Variants in PADI6 observed in about 807,000 individuals in gnomAD.
The protein encoded by PADI6 is peptidyl arginine deiminase 6, also known as inactive protein-arginine deiminase type-6.
Under a neutral mutation model 78.2 loss-of-function variants are expected in PADI6, and 66 were observed. The observed-to-expected ratio is 0.84, with a 90% CI of 0.69 to 1.04. The LOEUF is 1.04. PADI6 is among the 50% of genes least tolerant of loss of function. The probability of loss-of-function intolerance (pLI) is 0.00; values close to 1 mark genes in which losing one functional copy is unlikely to be tolerated. For synonymous variants in PADI6, 397 were observed against 346.9 expected (o/e 1.14, Z -1.60); for missense variants, 854 against 866.1 (o/e 0.99, Z 0.18).
intron 3 of PADI6, among the ~76,000 whole-genome samples, chr1:17,377,851 A>G (rs1391539866): frequency 1.3e-5 from 2 of 152,194 alleles, no homozygotes; most frequent in Non-Finnish European, 2.9e-5. Flanking sequence ...TCCAGCAGCC[A>G]GAGTGGTACA....
At chr1:17,373,500 ATTATT>A (rs1277954222) in intron 2 of PADI6, among the ~76,000 whole-genome samples, 3 of 109,502 alleles carry the variant, frequency 2.7e-5, no homozygotes, top group African/African-American at 9.8e-5. Context: ...TTTATTTATT[ATTATT>A]TTTTTTTTTG....
intron 7 of PADI6, 40 bp from the exon 8 acceptor site, chr1:17,388,737 T>C (rs771311890): frequency 1.9e-6 from 3 of 1,586,032 alleles, no homozygotes; most frequent in Admixed American, 1.7e-5. Flanking sequence ...AGCGAGTAAA[T>C]GTGGAAGCAG....
At chr1:17,372,873 G>A (rs1338690717) in intron 1 of PADI6, among the ~76,000 whole-genome samples, 183 bp from the exon 2 acceptor site, 3 of 147,082 alleles carry the variant, frequency 2.0e-5, no homozygotes, top group Non-Finnish European at 3.0e-5. Flanking sequence ...GCTGGAGCCC[G>A]TCGGAGAGCA....
At position 17,401,494 on chromosome 1, in the gene PADI6, T is replaced by A; in HGVS notation, c.*56T>A. 7.0e-7 allele frequency: 1 copy of A among 1,437,190 alleles called. No individual in the cohort carries two copies. Among genetic ancestry groups the A allele is most frequent in the Non-Finnish European group, 9.7e-7 (1 of 1,035,576 alleles). 89.0% of individuals were successfully genotyped at this position (1,437,190 alleles called of 1,614,324 possible). On this transcript the variant is annotated 3_prime_UTR_variant, in exon 16 of 16. Transcript: ENST00000619609. ...CAGCGTGGATGGCCCACTGTCACCATGCAACAGCATGATTCTTTGCCCAGT... is the reference window on the plus strand; with the variant it reads ...CAGCGTGGATGGCCCACTGTCACCAAGCAACAGCATGATTCTTTGCCCAGT...
chr1:17,372,496 C>T, intron 1 of PADI6, 135 bp downstream of exon 1: 1 of 826,968 alleles, frequency 1.2e-6, no homozygotes, highest in Non-Finnish European at 2.0e-6. Context: ...AGCCTTGGGT[C>T]TCTAGTGGGG....
chr1:17,380,059 T>C, intron 4 of PADI6, 72 bp downstream of exon 4: 1 of 1,481,362 alleles, frequency 6.8e-7, no homozygotes, highest in Non-Finnish European at 9.4e-7. Flanking sequence ...TCACTTGATC[T>C]GACCTTCCTC....
At chr1:17,374,226 C>CATCA (rs1255942174) in intron 2 of PADI6, among the ~76,000 whole-genome samples, 1 of 152,050 alleles carries the variant, frequency 6.6e-6, no homozygotes, top group Non-Finnish European at 1.5e-5. Context: ...CCCTACAGGA[C>CATCA]CTACTGGAGA....
rs753183749 is a variant in PADI6 at position 17,394,068 on chromosome 1, A to G, written c.1168A>G (p.Met390Val). 1.2e-5 allele frequency: 20 copies of G among 1,613,650 alleles called. No homozygotes were observed. Among genetic ancestry groups the G allele is most frequent in the East Asian group, 2.2e-5 (1 of 44,880 alleles). Residue 390 changes from methionine (M) to valine (V), a missense_variant, in exon 10 of 16, where the codon ATG becomes GTG. Met to Val is a conservative substitution (Grantham distance 21). Coordinates refer to ENST00000619609, the MANE Select transcript of PADI6 (RefSeq NM_207421.4). Reference sequence around the variant, plus strand: ...GGCCGCCGATCTCGATGAGTTCCCCATGAAGTACTCACTGGTGTGGAACTT... The same window carrying G: ...GGCCGCCGATCTCGATGAGTTCCCCGTGAAGTACTCACTGGTGTGGAACTT... The part of the protein sequence containing the change: ...PQAADLDEFP[M>V]KYSLSPGIGY...
intron 13 of PADI6, among the ~76,000 whole-genome samples, chr1:17,396,582 C>T (rs146071342): frequency 2.6e-5 from 4 of 152,286 alleles, no homozygotes; most frequent in African/African-American, 9.6e-5. Context: ...GTCATAGAAG[C>T]ACCATGGAAG....
chr1:17,393,238 C>G (rs1355288090), intron 9 of PADI6, among the ~76,000 whole-genome samples: 1 of 152,110 alleles, frequency 6.6e-6, no homozygotes, highest in Admixed American at 6.5e-5. Flanking sequence ...GCAGGGCTAC[C>G]TCCTGGTTAA....
intron 3 of PADI6, among the ~76,000 whole-genome samples, chr1:17,378,122 C>CT (rs1461914269): frequency 6.6e-6 from 1 of 152,144 alleles, no homozygotes; most frequent in Admixed American, 6.6e-5. Flanking sequence ...TTCTTGCCTC[C>CT]TTTAGGTCTC....
intron 7 of PADI6, 46 bp downstream of exon 7, chr1:17,388,605 G>T: frequency 3.9e-6 from 6 of 1,529,674 alleles, no homozygotes; most frequent in South Asian, 1.2e-5. Context: ...ATGCTCCGGT[G>T]GGGGAAAAGC....
At chr1:17,397,201 G>A (rs923666790) in intron 14 of PADI6, 60 bp downstream of exon 14, 2 of 1,589,734 alleles carry the variant, frequency 1.3e-6, no homozygotes, top group African/African-American at 1.3e-5. Context: ...GGTCTTGCAG[G>A]AAGGTTTCCA....
chr1:17,373,218 C>A lies in PADI6; in HGVS notation c.279C>A (p.Ser93=). 6.2e-7 allele frequency: 1 copy of A among 1,613,924 alleles called. No individual in the cohort carries two copies. Among genetic ancestry groups the A allele is most frequent in the South Asian group, 1.1e-5 (1 of 91,082 alleles). ...TGAAGATGACATCGCCCAGCCCTTC[C>A]GTGGATGCGGATAAGGTAAGCCTCA... is the stretch of plus-strand genomic sequence containing the variant. ...ATVKMTSPSP[S]VDADKVSVTY... is the part of the protein sequence containing the mutation. Residue 93 remains serine, a synonymous_variant, in exon 2 of 16, where the codon TCC becomes TCA. Transcript: ENST00000619609.
intron 5 of PADI6, 143 bp downstream of exon 5, chr1:17,381,307 T>C: frequency 1.5e-6 from 1 of 648,632 alleles, no homozygotes; most frequent in South Asian, 2.0e-5. Context: ...ATCAAACCTT[T>C]TGTCCTGAGT....
chr1:17,393,253 C>G (rs112896608), intron 9 of PADI6, among the ~76,000 whole-genome samples: 239 of 152,236 alleles, frequency 1.6e-3, no homozygotes, highest in African/African-American at 5.5e-3. Context: ...GGTTAAGGTA[C>G]CTTTTAAGCT....
rs149617720 is a variant in PADI6, at chr1:17,401,606, C to T, written c.*168C>T. ...TCGGACCCAGTAGGATGGCAAATGC[C>T]GCCAGCTTGAACCCCTATGGGGAAA... On this transcript the variant is annotated 3_prime_UTR_variant, in exon 16 of 16. Coordinates refer to ENST00000619609, the MANE Select transcript of PADI6 (RefSeq NM_207421.4). 9.6e-4 allele frequency: 627 copies of T among 650,632 alleles called. 1 individual carries two copies. Among genetic ancestry groups the T allele is most frequent in the African/African-American group, 8.4e-3 (461 of 54,862 alleles). 40.3% of individuals were successfully genotyped at this position (650,632 alleles called of 1,614,324 possible). A position where few individuals can be genotyped will look rare whatever the true frequency, so the allele number is the denominator to read the frequency against.
chr1:17,373,079 G>C lies in PADI6; in HGVS notation c.140G>C (p.Cys47Ser). 1 of 1,613,942 alleles carries C rather than the reference G, an allele frequency of 6.2e-7. No homozygotes were observed. The highest frequency in any genetic ancestry group is 1.1e-5 in the South Asian group (1 of 91,074). Residue 47 changes from cysteine to serine, a missense_variant, in exon 2 of 16, where the codon TGC (cysteine) becomes TCC (serine). Physicochemically the swap from Cys to Ser is moderately radical, Grantham distance 112 (BLOSUM62 -1). Transcript: ENST00000619609. ...AGGTGTGCCCCCCAGAAGTGCCAGT[G>C]CTTCACCATCCATGGCTCTGGGAGG... ...LSGCAPQKCQ[C>S]FTIHGSGRVL...
At position 17,373,230 on chromosome 1, in the gene PADI6, T is replaced by C. The variant is rs769496583; in HGVS notation, c.291T>C (p.Asp97=). 7 of 1,613,682 alleles carry C rather than the reference T, an allele frequency of 4.3e-6. No homozygotes were observed. In the East Asian group the frequency reaches 8.9e-5, roughly 21 times the overall value. Residue 97 remains aspartate, a synonymous_variant, in exon 2 of 16, where the codon GAT becomes GAC. Coordinates refer to ENST00000619609, the MANE Select transcript of PADI6 (RefSeq NM_207421.4). ...CGCCCAGCCCTTCCGTGGATGCGGA[T>C]AAGGTAAGCCTCAGGGGAAGAGGTG... ...MTSPSPSVDA[D]KVSVTYYGPN... is the part of the protein sequence containing the mutation.
Sources: gnomAD v4.1 joint callset for allele counts (sites outside exome capture counted in the v4.1 genomes callset) on GRCh38, gnomAD v4.1.1 for gene constraint, MANE v1.5 for transcripts, NCBI Gene and HGNC (gene_info 2026-07-23, HGNC 2026-07-21) for gene names.